Variants in ZNF577 observed in about 807,000 individuals in gnomAD.
The protein encoded by ZNF577 is zinc finger protein 577.
A neutral mutation model predicts 13.9 loss-of-function variants in ZNF577; 14 were observed. The ratio of observed to expected loss-of-function variants is 1.00; its 90% CI spans 0.66 to 1.57. The LOEUF is 1.57. Among genes scored for constraint, ZNF577 ranks in the 40% most tolerant of loss-of-function variants. The pLI is 0.00. For missense variants in ZNF577, 555 were observed against 579.2 expected, an observed-to-expected ratio of 0.96 and a Z score of 0.43; for synonymous variants, 203 against 202.9, an observed-to-expected ratio of 1.00 and a Z score of 0.00.
chr19:51,854,067 G>A (rs2084394355), intron 5 of ZNF577, among the ~76,000 whole-genome samples: 1 of 152,150 alleles, frequency 6.6e-6, no homozygotes, highest in South Asian at 2.1e-4. Flanking sequence ...CTATATGTCT[G>A]AAAATTTTTA....
chr19:51,873,736 G>T (rs183904365), intron 5 of ZNF577, 30 bp from the exon 6 acceptor site: 1 of 1,511,718 alleles, frequency 6.6e-7, no homozygotes, highest in South Asian at 1.2e-5. Context: ...TTTACAATGC[G>T]AGCCAAACTT....
intron 9 of ZNF577, chr19:51,825,057 C>A (rs2084222752): frequency 9.1e-6 from 4 of 437,314 alleles, no homozygotes; most frequent in Non-Finnish European, 1.7e-5. Context: ...TTTAAGGGCT[C>A]ATTCCCCAAG....
At chr19:51,836,703 G>C (rs1481738941) in intron 9 of ZNF577, among the ~76,000 whole-genome samples, 2 of 152,150 alleles carry the variant, frequency 1.3e-5, no homozygotes, top group Non-Finnish European at 1.5e-5. Context: ...TGGAATGTTA[G>C]AGTTAAAAAG....
intron 9 of ZNF577, among the ~76,000 whole-genome samples, chr19:51,830,734 T>C (rs1225882769): frequency 6.6e-6 from 1 of 152,204 alleles, no homozygotes; most frequent in Admixed American, 6.5e-5. Flanking sequence ...CTCAATCTCC[T>C]TGACTGGCTC....
chr19:51,840,271 C>G (rs1489200568), intron 8 of ZNF577, among the ~76,000 whole-genome samples: 3 of 152,184 alleles, frequency 2.0e-5, no homozygotes, highest in African/African-American at 7.2e-5. Context: ...CAATCACAGA[C>G]AAGACCTAAG....
chr19:51,810,778 A>G (rs1277490691), intron 10 of ZNF577, among the ~76,000 whole-genome samples: 1 of 152,146 alleles, frequency 6.6e-6, no homozygotes, highest in East Asian at 1.9e-4. Context: ...GTATGCCATT[A>G]TTTACCACTC....
intron 5 of ZNF577, among the ~76,000 whole-genome samples, chr19:51,854,255 A>G (rs1325082924): frequency 6.6e-6 from 1 of 152,128 alleles, no homozygotes; most frequent in Non-Finnish European, 1.5e-5. Flanking sequence ...TTCTGCACCC[A>G]TCTGGGAAGG....
At chr19:51,857,355 A>C (rs2084436232) in intron 5 of ZNF577, among the ~76,000 whole-genome samples, 1 of 113,808 alleles carries the variant, frequency 8.8e-6, no homozygotes, top group Admixed American at 9.2e-5. Context: ...AGAGAGAAAG[A>C]AAGAAGGAAG....
At chr19:51,816,124 A>G (rs1160710842) in intron 9 of ZNF577, among the ~76,000 whole-genome samples, 6 of 151,842 alleles carry the variant, frequency 4.0e-5, no homozygotes, top group Non-Finnish European at 7.4e-5. Flanking sequence ...GTTGGTGAAC[A>G]CAAAGAGGTG....
intron 9 of ZNF577, among the ~76,000 whole-genome samples, chr19:51,815,794 G>A (rs2084131218): frequency 6.6e-6 from 1 of 151,730 alleles, no homozygotes; most frequent in Non-Finnish European, 1.5e-5. Context: ...CCAGGGAAGT[G>A]GAGGTTACAG....
intron 9 of ZNF577, chr19:51,825,523 G>C (rs2084226596): frequency 1.2e-5 from 2 of 167,038 alleles, no homozygotes; most frequent in African/African-American, 4.8e-5. Context: ...AAAGGAGAGA[G>C]ATTCTGTTTC....
rs2084063873 is a variant in ZNF577 at position 51,807,047 on chromosome 19, C to T, written c.*818-1793G>A. On this transcript the variant is annotated intron_variant and NMD_transcript_variant, in intron 10 of 10. Transcript: ENST00000638827. ...GGTTGACAATGTTGATTGTAGCCTGCCACGATCCCTGATGGACTGAACAAA... is the reference window on the plus strand; with the variant it reads ...GGTTGACAATGTTGATTGTAGCCTGTCACGATCCCTGATGGACTGAACAAA... 3.3e-5 allele frequency among the ~76,000 whole-genome samples: 5 copies of T among 152,300 alleles called. No individual in the cohort carries two copies. In the South Asian group the frequency reaches 1.0e-3, roughly 32 times the overall value.
At chr19:51,855,385 G>A (rs1006802676) in intron 5 of ZNF577, among the ~76,000 whole-genome samples, 15 of 151,246 alleles carry the variant, frequency 9.9e-5, no homozygotes, top group African/African-American at 3.2e-4. Context: ...GTGTGTGTGT[G>A]TGTGTGTGTG....
rs2084703079 is a variant in ZNF577 at position 51,873,574 on chromosome 19, C to T, written c.416G>A (p.Ser139Asn). 1.2e-6 allele frequency: 2 copies of T among 1,614,054 alleles called. No homozygotes were observed. Among genetic ancestry groups the T allele is most frequent in the African/African-American group, 2.7e-5 (2 of 74,910 alleles). ...GVKYHRCVKP[S>N]SPKSQLNDLQ... ...GTCATTGAGCTGTGATTTAGGGCTG[C>T]TGGGTTTAACACATCTATGGTATTT... The change falls in exon 6 of 6, where the codon AGC (serine) becomes AAC (asparagine). Residue 139 changes from serine (S) to asparagine (N), a missense_variant. Ser to Asn is a conservative substitution (Grantham distance 46, BLOSUM62 1). Transcript: ENST00000638348.
chr19:51,844,050 CTTT>C lies in ZNF577; in HGVS notation c.*154+705_*154+707del, dbSNP rs34391853. Among the ~76,000 whole-genome samples the C allele has an allele frequency of 9.2e-3, 1,165 of 127,058 alleles. 14 individuals are homozygous for C. The highest frequency in any genetic ancestry group is 0.03 in the African/African-American group (1,072 of 35,876). 83.4% of individuals were successfully genotyped at this position (127,058 alleles called of 152,430 possible). A position where few individuals can be genotyped will look rare whatever the true frequency, so the allele number is the denominator to read the frequency against. ...CTTAAGATACTCGATAGCCACTACACTTTTTTTTTTTTTTTTTTTTTTACATAA... is the reference window on the plus strand; with the variant it reads ...CTTAAGATACTCGATAGCCACTACACTTTTTTTTTTTTTTTTTTTACATAA... On this transcript the variant is annotated intron_variant and NMD_transcript_variant, in intron 6 of 10. Transcript: ENST00000638827.
chr19:51,841,176 G>A (rs958453448), intron 8 of ZNF577, among the ~76,000 whole-genome samples: 6 of 152,122 alleles, frequency 3.9e-5, no homozygotes, highest in Non-Finnish European at 7.4e-5. Flanking sequence ...ACCACTTTCC[G>A]CGGGAATCGC....
Position 51,872,375 on chromosome 19 carries a change from A to G in ZNF577, c.*157T>C. 5.0e-6 allele frequency: 3 copies of G among 599,376 alleles called. No individual in the cohort carries two copies. In the East Asian group the frequency reaches 8.7e-5, roughly 17 times the overall value. 37.1% of individuals were successfully genotyped at this position (599,376 alleles called of 1,614,324 possible). ...CTCATAACAGCTGCATTTCTACCCA[A>G]CATGATTTCAATGGTGTTTAACAGG... On this transcript the variant is annotated 3_prime_UTR_variant, in exon 6 of 6. Transcript: ENST00000638348.
chr19:51,833,175 T>C (rs1222620565), intron 9 of ZNF577, among the ~76,000 whole-genome samples: 3 of 151,960 alleles, frequency 2.0e-5, no homozygotes, highest in Non-Finnish European at 4.4e-5. Flanking sequence ...CTCCCAACTT[T>C]ATCTTCTTAT....
At chr19:51,826,788 G>A (rs1037732419) in intron 9 of ZNF577, among the ~76,000 whole-genome samples, 3 of 152,196 alleles carry the variant, frequency 2.0e-5, no homozygotes, top group Non-Finnish European at 2.9e-5. Context: ...GGGAATGGGT[G>A]CTGCTGACTG....
Sources: gnomAD v4.1 joint callset for allele counts (sites outside exome capture counted in the v4.1 genomes callset) on GRCh38, gnomAD v4.1.1 for gene constraint, MANE v1.5 for transcripts, NCBI Gene and HGNC (gene_info 2026-07-23, HGNC 2026-07-21) for gene names.